The following RGS7 variants were observed in gnomAD, a reference collection of about 807,000 sequenced individuals.
The protein encoded by RGS7 is regulator of G protein signaling 7.
RGS7 carries 27 observed loss-of-function variants against 81.1 expected under a neutral mutation model. The ratio of observed to expected loss-of-function variants is 0.33; its 90% confidence interval spans 0.25 to 0.46. The LOEUF is 0.46. RGS7 is among the 20% of genes least tolerant of loss of function. The probability of loss-of-function intolerance (pLI) is 1.00; values close to 1 mark genes in which losing one functional copy is unlikely to be tolerated. For synonymous variants in RGS7, 208 were observed against 207.7 expected (o/e 1.00, Z -0.01); for missense variants, 396 against 607.4 (o/e 0.65, Z 3.66).
At chr1:241,086,287 G>C (rs866816794) in intron 3 of RGS7, among the ~76,000 whole-genome samples, 5 of 152,186 alleles carry the variant, frequency 3.3e-5, no homozygotes, top group African/African-American at 1.2e-4. Flanking sequence ...AAGAAAGGAA[G>C]AGAGAATCTC....
intron 2 of RGS7, among the ~76,000 whole-genome samples, chr1:241,319,896 G>A (rs1488158981): frequency 6.6e-6 from 1 of 152,066 alleles, no homozygotes; most frequent in Non-Finnish European, 1.5e-5. Flanking sequence ...TTCGAGACCA[G>A]CCTGACCAAC....
intron 9 of RGS7, among the ~76,000 whole-genome samples, chr1:240,843,194 AAAAGAAAGAG>A (rs1247306084): frequency 6.6e-6 from 1 of 152,142 alleles, no homozygotes; most frequent in Non-Finnish European, 1.5e-5. Context: ...TAAAAATAAA[AAAAGAAAGAG>A]AAAGAAAGAA....
intron 2 of RGS7, among the ~76,000 whole-genome samples, chr1:241,300,666 A>T (rs936117154): frequency 6.6e-6 from 1 of 152,218 alleles, no homozygotes; most frequent in African/African-American, 2.4e-5. Context: ...TCACCCACTA[A>T]AAGACATTTT....
chr1:240,845,346 A>G (rs1658875388), intron 9 of RGS7, among the ~76,000 whole-genome samples: 2 of 152,210 alleles, frequency 1.3e-5, no homozygotes, highest in Admixed American at 1.3e-4. Flanking sequence ...GTAGACATGC[A>G]AGGTGCAATA....
chr1:240,856,576 AT>A (rs1297969684), intron 9 of RGS7, among the ~76,000 whole-genome samples: 1 of 152,152 alleles, frequency 6.6e-6, no homozygotes, highest in African/African-American at 2.4e-5. Flanking sequence ...AGTTAGAAAA[AT>A]GTATTCCACA....
chr1:240,801,961 C>G (rs1306834483), intron 16 of RGS7, among the ~76,000 whole-genome samples: 2 of 152,126 alleles, frequency 1.3e-5, no homozygotes, highest in Non-Finnish European at 2.9e-5. Context: ...TCTATGCTGT[C>G]CAATACAGAA....
intron 2 of RGS7, among the ~76,000 whole-genome samples, chr1:241,117,003 T>C (rs12024588): frequency 0.19 from 29,316 of 152,054 alleles, 2,970 homozygotes; most frequent in African/African-American, 0.24. Context: ...ATTAAACCGA[T>C]AGATGTAAGG....
At chr1:241,324,462 T>C (rs577637806) in intron 2 of RGS7, among the ~76,000 whole-genome samples, 21 of 152,236 alleles carry the variant, frequency 1.4e-4, no homozygotes, top group Non-Finnish European at 2.9e-4. Context: ...ACTCATGCAC[T>C]CATTCCCTTC....
At chr1:240,908,172 G>A (rs1671142113) in intron 6 of RGS7, among the ~76,000 whole-genome samples, 2 of 134,340 alleles carry the variant, frequency 1.5e-5, no homozygotes, top group Admixed American at 1.6e-4. Context: ...CACAGGGCGA[G>A]GAACATCACA....
At chr1:241,319,957 G>A (rs980312559) in intron 2 of RGS7, among the ~76,000 whole-genome samples, 4 of 152,018 alleles carry the variant, frequency 2.6e-5, no homozygotes, top group African/African-American at 9.7e-5. Context: ...TGGGCCTGGT[G>A]GTGTGCGCCT....
At chr1:241,301,797 C>A in intron 2 of RGS7, among the ~76,000 whole-genome samples, 1 of 152,328 alleles carries the variant, frequency 6.6e-6, no homozygotes, top group Middle Eastern at 3.4e-3. Flanking sequence ...CAAGCTTATG[C>A]TGACCTTTTG....
At chr1:240,822,895 C>A in intron 10 of RGS7, 1 of 364,870 alleles carries the variant, frequency 2.7e-6, no homozygotes, top group Non-Finnish European at 5.1e-6. Context: ...AAAATATAAC[C>A]AAGATGAGGC....
chr1:240,975,397 G>A (rs547369101), intron 4 of RGS7, among the ~76,000 whole-genome samples: 9 of 136,166 alleles, frequency 6.6e-5, no homozygotes, highest in Non-Finnish European at 1.3e-4. Flanking sequence ...GCAAGACTTC[G>A]TCTAAACAAA....
Position 241,120,027 on chromosome 1 carries a change from C to T in RGS7, c.79-21265G>A, listed in dbSNP as rs183555632. On this transcript the variant is annotated intron_variant, in intron 2 of 18. Coordinates refer to ENST00000440928, the MANE Select transcript of RGS7 (RefSeq NM_001364886.1). ...CGAGTGGCGTGTTGTAAGTAAATCT[C>T]CTCATTTTTCTCTCTTATTGAAAAT... is the stretch of plus-strand genomic sequence containing the variant. Among the ~76,000 whole-genome samples, 174 of 152,274 alleles carry T rather than the reference C, an allele frequency of 1.1e-3. 2 individuals are homozygous for T. The highest frequency in any genetic ancestry group is 4.1e-3 in the African/African-American group (170 of 41,556).
At chr1:241,074,867 G>T (rs2502412) in intron 3 of RGS7, among the ~76,000 whole-genome samples, 4,073 of 152,230 alleles carry the variant, frequency 0.027, 184 homozygotes, top group African/African-American at 0.093. Flanking sequence ...ACTGGCCCTG[G>T]AGTTTTGGCT....
chr1:241,240,339 G>A (rs962516194), intron 2 of RGS7, among the ~76,000 whole-genome samples: 3 of 152,206 alleles, frequency 2.0e-5, no homozygotes, highest in African/African-American at 7.2e-5. Context: ...CTGACGGGAA[G>A]AAGCAACGAC....
intron 2 of RGS7, among the ~76,000 whole-genome samples, chr1:241,192,161 TGTG>T (rs2072714774): frequency 1.6e-5 from 1 of 60,860 alleles, no homozygotes; most frequent in Non-Finnish European, 3.6e-5. Flanking sequence ...AGAAAACAGG[TGTG>T]TGTGTGTGTG....
Position 241,202,011 on chromosome 1 carries a change from G to GACACACACACACACACAC in RGS7, c.79-103267_79-103250dup, listed in dbSNP as rs60399497. On this transcript the variant is annotated intron_variant, in intron 2 of 18. Transcript: ENST00000440928. ...CCCTGCAAACACACAGACACACACA[G>GACACACACACACACACAC]ACACACACACACACACACACACACA... Among the ~76,000 whole-genome samples, 367 of 145,050 alleles carry GACACACACACACACACAC rather than the reference G, an allele frequency of 2.5e-3. 1 individual carries two copies. The highest frequency in any genetic ancestry group is 0.014 in the Middle Eastern group (4 of 290).
rs192274976 is a variant in RGS7, at chr1:240,864,919, C to T, written c.609+3668G>A. Among the ~76,000 whole-genome samples the T allele has an allele frequency of 3.2e-4, 49 of 152,216 alleles. No individual in the cohort carries two copies. In the East Asian group the frequency reaches 9.3e-3, roughly 29 times the overall value. Reference sequence around the variant, plus strand: ...TAGATGTCATTAAAACCATGAAGTACAGGAGCTGCATTTGCATTATCTGTT... The same window carrying T: ...TAGATGTCATTAAAACCATGAAGTATAGGAGCTGCATTTGCATTATCTGTT... On this transcript the variant is annotated intron_variant, in intron 9 of 18. Transcript: ENST00000440928.
Sources: gnomAD v4.1 joint callset for allele counts (sites outside exome capture counted in the v4.1 genomes callset) on GRCh38, gnomAD v4.1.1 for gene constraint, MANE v1.5 for transcripts, NCBI Gene and HGNC (gene_info 2026-07-23, HGNC 2026-07-21) for gene names.